Variants in CBFA2T3 observed in about 807,000 individuals in gnomAD.
CBFA2T3 encodes the protein CBFA2/RUNX1 partner transcriptional co-repressor 3.
In CBFA2T3, 31 loss-of-function variants were observed where a neutral mutation model predicts 58.6. That is an observed-to-expected ratio of 0.53 (90% CI 0.40 to 0.71). The LOEUF is 0.71. Ranked by LOEUF, CBFA2T3 falls within the 30% of genes least tolerant of loss-of-function variation. The probability of loss-of-function intolerance (pLI) is 0.00; values close to 1 mark genes in which losing one functional copy is unlikely to be tolerated. For synonymous variants in CBFA2T3, 531 were observed against 421.9 expected, an observed-to-expected ratio of 1.26 and a Z score of -3.17; for missense variants, 1,076 against 963.1, an observed-to-expected ratio of 1.12 and a Z score of -1.55.
chr16:88,941,400 C>G (rs1366018231), intron 1 of CBFA2T3, among the ~76,000 whole-genome samples: 2 of 146,226 alleles, frequency 1.4e-5, no homozygotes, highest in Non-Finnish European at 1.5e-5. Context: ...CTCCTGCCCC[C>G]CGCCGCCGCC....
chr16:88,943,730 C>G (rs1213587962), intron 1 of CBFA2T3, among the ~76,000 whole-genome samples: 1 of 152,186 alleles, frequency 6.6e-6, no homozygotes, highest in African/African-American at 2.4e-5. Flanking sequence ...CTGAGCCTCT[C>G]AGCCACACCG....
At chr16:88,956,284 A>G (rs1239364321) in intron 1 of CBFA2T3, among the ~76,000 whole-genome samples, 1 of 152,264 alleles carries the variant, frequency 6.6e-6, no homozygotes, top group Non-Finnish European at 1.5e-5. Flanking sequence ...GCATCACGGG[A>G]GAACCCCACG....
chr16:88,888,208 G>A (rs553848838), intron 5 of CBFA2T3, among the ~76,000 whole-genome samples: 54 of 151,810 alleles, frequency 3.6e-4, no homozygotes, highest in East Asian at 3.0e-3. Flanking sequence ...CACTCTCTCC[G>A]GCCCCTCAGC....
Position 88,880,704 on chromosome 16 carries a change from C to A in CBFA2T3, c.1471+16G>T. On this transcript the variant is annotated intron_variant, in intron 10 of 11. Coordinates refer to ENST00000268679, the MANE Select transcript of CBFA2T3 (RefSeq NM_005187.6). ...TCCCACAGCTCTGCTGGCCAGGCCCCTGCACCCCCACTCACCAGCCTTCCT... is the reference window on the plus strand; with the variant it reads ...TCCCACAGCTCTGCTGGCCAGGCCCATGCACCCCCACTCACCAGCCTTCCT... 6.4e-7 allele frequency: 1 copy of A among 1,556,704 alleles called. No individual in the cohort carries two copies. Among genetic ancestry groups the A allele is most frequent in the South Asian group, 1.2e-5 (1 of 84,614 alleles).
chr16:88,914,631 C>T (rs995709498), intron 1 of CBFA2T3, among the ~76,000 whole-genome samples: 1 of 152,200 alleles, frequency 6.6e-6, no homozygotes, highest in Non-Finnish European at 1.5e-5. Flanking sequence ...CTGGCTTAAG[C>T]CCAGAGCCCC....
At chr16:88,900,641 C>T (rs1311453613) in intron 2 of CBFA2T3, among the ~76,000 whole-genome samples, 2 of 152,138 alleles carry the variant, frequency 1.3e-5, no homozygotes, top group South Asian at 2.1e-4. Context: ...GCTTTCTGGC[C>T]GCTGCATGTG....
intron 1 of CBFA2T3, among the ~76,000 whole-genome samples, chr16:88,959,185 C>T (rs1972303218): frequency 6.6e-6 from 1 of 152,226 alleles, no homozygotes; most frequent in South Asian, 2.1e-4. Context: ...GTGCTGTGTG[C>T]CATGTGTTCA....
At chr16:88,972,398 G>A (rs1450068545) in intron 1 of CBFA2T3, among the ~76,000 whole-genome samples, 7 of 152,118 alleles carry the variant, frequency 4.6e-5, no homozygotes, top group African/African-American at 1.7e-4. Flanking sequence ...CTCTGTGGAT[G>A]CCCCTCTCTC....
chr16:88,891,093 C>T (rs542546694), intron 5 of CBFA2T3, among the ~76,000 whole-genome samples: 1 of 152,234 alleles, frequency 6.6e-6, no homozygotes, highest in South Asian at 2.1e-4. Context: ...ACCATCTGAC[C>T]TGCTTTCACC....
intron 1 of CBFA2T3, among the ~76,000 whole-genome samples, chr16:88,974,242 C>G (rs1359449695): frequency 1.3e-5 from 2 of 152,196 alleles, no homozygotes; most frequent in Non-Finnish European, 2.9e-5. Flanking sequence ...CGGTGAGAGC[C>G]TGCACAGCTC....
chr16:88,881,819 G>C (rs1211547763), intron 8 of CBFA2T3, among the ~76,000 whole-genome samples: 1 of 152,262 alleles, frequency 6.6e-6, no homozygotes, highest in African/African-American at 2.4e-5. Flanking sequence ...AAAAGCATGA[G>C]GGCGAGGGGC....
At chr16:88,889,498 A>C (rs11641997) in intron 5 of CBFA2T3, among the ~76,000 whole-genome samples, 41,401 of 151,578 alleles carry the variant, frequency 0.27, 6,064 homozygotes, top group East Asian at 0.5. Context: ...TGACCCTGTA[A>C]GTGCCCTGGG....
In CBFA2T3 at chr16:88,886,496, G is replaced by A. The variant is rs729795; in HGVS notation, c.712-354C>T. On this transcript the variant is annotated intron_variant, in intron 5 of 11. Transcript: ENST00000268679. ...AAGGCGAGAGGACGAAGGGGCAGCA[G>A]ATCATGGTTGGTCTTCCCGCCTGCA... The A allele has an allele frequency of 7.2e-3, 1,522 of 210,352 alleles. 23 individuals carry two copies. The highest frequency in any genetic ancestry group is 0.033 in the African/African-American group (1,426 of 43,626). The allele number at this position is 210,352 out of a possible 1,614,324, so 13.0% of individuals were successfully genotyped here. A position where few individuals can be genotyped will look rare whatever the true frequency, so the allele number is the denominator to read the frequency against.
At chr16:88,922,187 C>G (rs1015775909) in intron 1 of CBFA2T3, among the ~76,000 whole-genome samples, 1 of 152,228 alleles carries the variant, frequency 6.6e-6, no homozygotes, top group Non-Finnish European at 1.5e-5. Flanking sequence ...GGGTCTTCAC[C>G]CAAGAGGGTA....
chr16:88,966,762 C>T (rs962551477), intron 1 of CBFA2T3, among the ~76,000 whole-genome samples: 13 of 152,166 alleles, frequency 8.5e-5, no homozygotes, highest in Admixed American at 8.5e-4. Context: ...GGGGCGTCTC[C>T]AGTGACTCCC....
chr16:88,934,253 A>AC (rs1263386643), intron 1 of CBFA2T3, among the ~76,000 whole-genome samples: 7 of 151,406 alleles, frequency 4.6e-5, no homozygotes, highest in African/African-American at 1.2e-4. Context: ...ACATGGAGGC[A>AC]CGGGCGAGAA....
intron 1 of CBFA2T3, among the ~76,000 whole-genome samples, chr16:88,960,845 C>T (rs1464491931): frequency 1.3e-5 from 2 of 152,212 alleles, no homozygotes; most frequent in African/African-American, 4.8e-5. Flanking sequence ...GGATCAAATC[C>T]ATCACAGGGA....
At position 88,934,982 on chromosome 16, in the gene CBFA2T3, C is replaced by T. The variant is rs557848118; in HGVS notation, c.152-33326G>A. Among the ~76,000 whole-genome samples the T allele has an allele frequency of 1.5e-4, 23 of 152,310 alleles. No individual in the cohort carries two copies. In the East Asian group the frequency reaches 4.1e-3, roughly 27 times the overall value. ...GTCTCGATCTCCTGACCTCGTGATC[C>T]ACCCGCCTTGGCCTCCCAAAGTGCT... On this transcript the variant is annotated intron_variant, in intron 1 of 11. Transcript: ENST00000268679.
chr16:88,965,451 G>A (rs925114739), intron 1 of CBFA2T3, among the ~76,000 whole-genome samples: 1 of 152,236 alleles, frequency 6.6e-6, no homozygotes, highest in Non-Finnish European at 1.5e-5. Flanking sequence ...CAAGGGTCCT[G>A]TGTCCAGCCT....
Sources: allele counts gnomAD v4.1 joint callset (sites outside exome capture counted in the v4.1 genomes callset), GRCh38; gene constraint gnomAD v4.1.1; transcripts MANE v1.5; gene names NCBI Gene and HGNC (gene_info 2026-07-23, HGNC 2026-07-21).